SCAND3: variants seen among roughly 807,000 people sequenced by gnomAD.
SCAND3 encodes SCAN domain-containing protein 3.
chr6:28,612,098 G>T, the SCAND3 span, among the ~76,000 whole-genome samples: 1 of 151,582 alleles, frequency 6.6e-6, no homozygotes, highest in Non-Finnish European at 1.5e-5. Flanking sequence ...GTGCAGTGGC[G>T]CGATCTCAGC....
At chr6:28,572,839 C>T in the SCAND3 span, 1 of 1,613,598 alleles carries the variant, frequency 6.2e-7, no homozygotes, top group Non-Finnish European at 8.5e-7. This position sits in a 1 kb window ranked among gnomAD's most constrained non-coding sequence, Gnocchi z 4.1. Context: ...ATTAAGTACA[C>T]TATTTAGTTC....
the SCAND3 span, among the ~76,000 whole-genome samples, chr6:28,600,320 C>T: frequency 5.6e-4 from 85 of 152,054 alleles, no homozygotes; most frequent in Admixed American, 1.8e-3. Context: ...CAACATCATA[C>T]GTCACTAGGG....
At chr6:28,571,748 C>T in the SCAND3 span, 3 of 698,478 alleles carry the variant, frequency 4.3e-6, no homozygotes, top group South Asian at 5.4e-5. Context: ...TGAAAATATA[C>T]ATATAGGCAA....
At chr6:28,579,468 TG>T in the SCAND3 span, 1 of 1,522,416 alleles carries the variant, frequency 6.6e-7, no homozygotes, top group Non-Finnish European at 9.0e-7. This position sits in a 1 kb window ranked among gnomAD's most constrained non-coding sequence, Gnocchi z 4.5. Flanking sequence ...AATTGTAGTT[TG>T]TCATAGCTAA....
chr6:28,573,781 G>A, the SCAND3 span: 1 of 1,564,332 alleles, frequency 6.4e-7, no homozygotes, highest in Non-Finnish European at 8.6e-7. Flanking sequence ...TTCAGAAAAG[G>A]CATGTCTTTT....
At chr6:28,600,208 C>G in the SCAND3 span, among the ~76,000 whole-genome samples, 1 of 151,672 alleles carries the variant, frequency 6.6e-6, no homozygotes, top group Non-Finnish European at 1.5e-5. Flanking sequence ...ACAAAGAACT[C>G]TCAAAAATTT....
the SCAND3 span, chr6:28,573,932 A>AT: frequency 7.7e-7 from 1 of 1,301,778 alleles, no homozygotes; most frequent in Non-Finnish European, 1.0e-6. Flanking sequence ...ATAAAAAATT[A>AT]TTTTAAAGTT....
At chr6:28,610,856 A>T in the SCAND3 span, among the ~76,000 whole-genome samples, 1 of 152,220 alleles carries the variant, frequency 6.6e-6, no homozygotes, top group Non-Finnish European at 1.5e-5. Flanking sequence ...AAAATTTTAT[A>T]GAAGGCAAAA....
chr6:28,578,205 T>C, the SCAND3 span, among the ~76,000 whole-genome samples: 2 of 152,216 alleles, frequency 1.3e-5, no homozygotes, highest in Non-Finnish European at 2.9e-5. Context: ...ATTAATGATA[T>C]GTTACTGTGT....
chr6:28,591,089 G>A, the SCAND3 span: 1 of 152,228 alleles, frequency 6.6e-6, no homozygotes, highest in Admixed American at 6.5e-5. Context: ...GTTACTGTAA[G>A]TAATCATTAT....
chr6:28,586,092 A>G, the SCAND3 span, among the ~76,000 whole-genome samples: 4 of 152,212 alleles, frequency 2.6e-5, no homozygotes, highest in African/African-American at 9.6e-5. This position sits in a 1 kb window ranked among gnomAD's most constrained non-coding sequence, Gnocchi z 4.4. Context: ...AAGCTTTTCC[A>G]TTTGGTTAAA....
At chr6:28,586,220 G>T in the SCAND3 span, 3 of 1,243,758 alleles carry the variant, frequency 2.4e-6, no homozygotes, top group Non-Finnish European at 3.4e-6. The surrounding 1 kb of genome is among the most constrained non-coding windows in gnomAD (Gnocchi z 4.4). Flanking sequence ...AACCACCAGC[G>T]CGAAATTACT....
chr6:28,607,008 T>A, the SCAND3 span, among the ~76,000 whole-genome samples: 2 of 152,262 alleles, frequency 1.3e-5, no homozygotes, highest in African/African-American at 4.8e-5. Context: ...ACTGTGTTGC[T>A]TTCTTTGGAC....
At chr6:28,576,212 G>A in the SCAND3 span, 2 of 1,178,456 alleles carry the variant, frequency 1.7e-6, no homozygotes, top group South Asian at 1.6e-5. Flanking sequence ...AAAGGAGCCA[G>A]TAGTGCTTGA....
At chr6:28,584,949 C>A in the SCAND3 span, among the ~76,000 whole-genome samples, 16 of 152,170 alleles carry the variant, frequency 1.1e-4, no homozygotes, top group Non-Finnish European at 1.8e-4. Flanking sequence ...AAGGTATTTT[C>A]TTTAACTCTG....
chr6:28,601,387 A>G, the SCAND3 span, among the ~76,000 whole-genome samples: 181 of 152,348 alleles, frequency 1.2e-3, no homozygotes, highest in African/African-American at 4.2e-3. Context: ...ATGGAAAGTC[A>G]TTACACCATT....
At chr6:28,595,596 C>T in the SCAND3 span, among the ~76,000 whole-genome samples, 1 of 151,908 alleles carries the variant, frequency 6.6e-6, no homozygotes, top group Non-Finnish European at 1.5e-5. Context: ...GTGGCACGTG[C>T]CTGTAGTCCC....
At chr6:28,607,392 G>A in the SCAND3 span, among the ~76,000 whole-genome samples, 2 of 152,086 alleles carry the variant, frequency 1.3e-5, no homozygotes, top group Non-Finnish European at 2.9e-5. Flanking sequence ...CACCAGGAAG[G>A]TCTTGAACCC....
chr6:28,578,338 C>T, the SCAND3 span, among the ~76,000 whole-genome samples: 2 of 152,106 alleles, frequency 1.3e-5, no homozygotes, highest in Admixed American at 6.6e-5. Flanking sequence ...TTAGCACTAT[C>T]GCAGTTTTTT....
Sources: gnomAD v4.1 joint callset for allele counts (sites outside exome capture counted in the v4.1 genomes callset) on GRCh38, gnomAD v4.1.1 for gene constraint, Gnocchi (gnomAD v3.1) non-coding constraint, MANE v1.5 for transcripts, NCBI Gene and HGNC (gene_info 2026-07-23, HGNC 2026-07-21) for gene names.